The following EHMT1 variants were observed in gnomAD, a reference collection of about 807,000 sequenced individuals.
EHMT1 encodes the protein histone-lysine N-methyltransferase EHMT1.
In EHMT1, 15 loss-of-function variants were observed where a neutral mutation model predicts 147.2. The ratio of observed to expected loss-of-function variants is 0.10; its 90% CI spans 0.07 to 0.16. The LOEUF (loss-of-function observed/expected upper bound fraction) is 0.16, where lower values mean the gene tolerates loss of function less well. Ranked by LOEUF, EHMT1 falls within the 10% of genes least tolerant of loss-of-function variation. The pLI is 1.00. For synonymous variants in EHMT1, 795 were observed against 709.6 expected, an observed-to-expected ratio of 1.12 and a Z score of -1.91; for missense variants, 1,587 against 1,772.4, an observed-to-expected ratio of 0.90 and a Z score of 1.88.
intron 1 of EHMT1, among the ~76,000 whole-genome samples, chr9:137,631,935 C>T (rs559277533): frequency 6.6e-5 from 10 of 152,274 alleles, no homozygotes; most frequent in African/African-American, 1.9e-4. Flanking sequence ...CTAATCACGT[C>T]GTGGGCATTG....
At chr9:137,625,793 C>T (rs1159355460) in intron 1 of EHMT1, among the ~76,000 whole-genome samples, 1 of 151,688 alleles carries the variant, frequency 6.6e-6, no homozygotes. Flanking sequence ...GACCACTTCT[C>T]AATTTTTTTA....
intron 1 of EHMT1, among the ~76,000 whole-genome samples, chr9:137,706,227 G>T (rs1376523675): frequency 6.6e-6 from 1 of 152,218 alleles, no homozygotes. Context: ...AAATGCAGAT[G>T]ATTTTTTTGG....
chr9:137,812,646 G>A (rs957562288), intron 19 of EHMT1, among the ~76,000 whole-genome samples: 1 of 152,270 alleles, frequency 6.6e-6, no homozygotes. Context: ...GACTGCTCAC[G>A]CTGTGCGTGG....
chr9:137,646,542 G>A, intron 1 of EHMT1: 1 of 759,726 alleles, frequency 1.3e-6, no homozygotes, highest in Non-Finnish European at 1.6e-6. Context: ...CCTGGAGCCT[G>A]GGGGAGGCCC....
chr9:137,734,465 A>G (rs1025574635), intron 4 of EHMT1, among the ~76,000 whole-genome samples: 4 of 152,210 alleles, frequency 2.6e-5, no homozygotes, highest in African/African-American at 9.7e-5. Flanking sequence ...ACAAGACTGA[A>G]GGGAAGTGAG....
At chr9:137,802,170 C>T (rs1588792701) in intron 18 of EHMT1, among the ~76,000 whole-genome samples, 1 of 152,190 alleles carries the variant, frequency 6.6e-6, no homozygotes, top group East Asian at 1.9e-4. Flanking sequence ...AGTGGGCCTG[C>T]CAGGGGGCTG....
intron 4 of EHMT1, among the ~76,000 whole-genome samples, chr9:137,738,022 C>A (rs1947696628): frequency 6.6e-6 from 1 of 152,200 alleles, no homozygotes; most frequent in Admixed American, 6.5e-5. Flanking sequence ...AGTGAAACCC[C>A]ATCTCTACTA....
chr9:137,745,792 G>A, intron 6 of EHMT1: 1 of 359,580 alleles, frequency 2.8e-6, no homozygotes, highest in African/African-American at 2.1e-5. Context: ...TTACAGTGTA[G>A]CACTTTGATG....
At position 137,834,468 on chromosome 9, in the gene EHMT1, G is replaced by A. The variant is rs1303081215; in HGVS notation, c.3660G>A (p.Arg1220=). The A allele has an allele frequency of 6.2e-7, 1 of 1,612,964 alleles. No homozygotes were observed. ...VRVFMAHQDL[R]FPRIAFFSTR... is the part of the protein sequence containing the mutation. ...TGTTCATGGCCCACCAGGACCTGCGGTTCCCCCGGATCGCCTTCTTCAGCA... is the reference window on the plus strand; with the variant it reads ...TGTTCATGGCCCACCAGGACCTGCGATTCCCCCGGATCGCCTTCTTCAGCA... Residue 1220 remains arginine, a synonymous_variant, in exon 26 of 27, where the codon CGG becomes CGA. Coordinates refer to ENST00000460843, the MANE Select transcript of EHMT1 (RefSeq NM_024757.5).
At chr9:137,774,230 C>T (rs530170108) in intron 10 of EHMT1, among the ~76,000 whole-genome samples, 4 of 152,390 alleles carry the variant, frequency 2.6e-5, no homozygotes, top group African/African-American at 9.6e-5. Flanking sequence ...CCCCTCTCAC[C>T]CCAGAACCTT....
Position 137,695,974 on chromosome 9 carries a change from T to C in EHMT1, c.22-14993T>C, listed in dbSNP as rs1437183963. 1.3e-5 allele frequency among the ~76,000 whole-genome samples: 2 copies of C among 152,206 alleles called. 1 individual carries two copies. The highest frequency in any genetic ancestry group is 1.3e-4 in the Admixed American group (2 of 15,286). On this transcript the variant is annotated intron_variant, in intron 1 of 26. Coordinates refer to ENST00000460843, the MANE Select transcript of EHMT1 (RefSeq NM_024757.5). ...GTAGTAGGGACGGGGCCACCTTTGA[T>C]TGTCTTTCTTTGCAGAGAGGCTCAA...
intron 1 of EHMT1, among the ~76,000 whole-genome samples, chr9:137,692,217 C>T (rs560663433): frequency 5.9e-4 from 89 of 151,892 alleles, no homozygotes; most frequent in African/African-American, 2.1e-3. Context: ...CATGGCATGT[C>T]GTCACTAGAT....
At chr9:137,780,914 G>A (rs1334770992) in intron 14 of EHMT1, among the ~76,000 whole-genome samples, 439 of 110,866 alleles carry the variant, frequency 4.0e-3, no homozygotes, top group Middle Eastern at 0.015. Context: ...TGGTGATGAC[G>A]CTGAGATGTG....
In EHMT1 at chr9:137,780,195, G is replaced by A. The variant is rs548331425; in HGVS notation, c.2275+478G>A. On this transcript the variant is annotated intron_variant, in intron 14 of 26. Coordinates refer to ENST00000460843, the MANE Select transcript of EHMT1 (RefSeq NM_024757.5). Reference sequence around the variant, plus strand: ...CGGCATCACTGAGATGTGTGGTGATGACGCTGAGATGTGTGGTGATGACGC... The same window carrying A: ...CGGCATCACTGAGATGTGTGGTGATAACGCTGAGATGTGTGGTGATGACGC... Among the ~76,000 whole-genome samples the A allele has an allele frequency of 4.0e-5, 6 of 148,434 alleles. No individual in the cohort carries two copies. The South Asian group carries it at 1.1e-3, about 27-fold the overall frequency.
At chr9:137,688,380 C>T (rs904621911) in intron 1 of EHMT1, among the ~76,000 whole-genome samples, 1 of 152,090 alleles carries the variant, frequency 6.6e-6, no homozygotes, top group Non-Finnish European at 1.5e-5. Context: ...TATATAAACT[C>T]GGTTCATTTT....
intron 3 of EHMT1, among the ~76,000 whole-genome samples, chr9:137,725,186 CGTG>C (rs1283458817): frequency 8.8e-5 from 13 of 147,318 alleles, no homozygotes; most frequent in Middle Eastern, 7.8e-3. Flanking sequence ...GCATGTCAGA[CGTG>C]GGGCAGGTGT....
chr9:137,779,003 C>T (rs543023788), intron 13 of EHMT1, among the ~76,000 whole-genome samples: 7 of 152,102 alleles, frequency 4.6e-5, no homozygotes, highest in African/African-American at 1.7e-4. Flanking sequence ...TCACTCATCA[C>T]CAGGGGGAGG....
chr9:137,788,107 G>T, intron 15 of EHMT1: 3 of 1,315,660 alleles, frequency 2.3e-6, no homozygotes, highest in Non-Finnish European at 3.1e-6. Context: ...GGGCAGAGGG[G>T]CCACAGAGGC....
intron 16 of EHMT1, among the ~76,000 whole-genome samples, chr9:137,794,305 T>C (rs770046455): frequency 1.3e-5 from 2 of 152,200 alleles, no homozygotes; most frequent in Non-Finnish European, 1.5e-5. Flanking sequence ...ATTTGCACAT[T>C]AGGCTTCTTT....
Sources: gnomAD v4.1 joint callset for allele counts (sites outside exome capture counted in the v4.1 genomes callset) on GRCh38, gnomAD v4.1.1 for gene constraint, MANE v1.5 for transcripts, NCBI Gene and HGNC (gene_info 2026-07-23, HGNC 2026-07-21) for gene names.